The following PIAS4 variants were observed in gnomAD, a reference collection of about 807,000 sequenced individuals.
PIAS4 encodes the protein protein inhibitor of activated STAT 4, also known as E3 SUMO-protein ligase PIAS4.
PIAS4 carries 7 observed loss-of-function variants against 58.0 expected under a neutral mutation model. The observed-to-expected ratio is 0.12, with a 90% CI of 0.07 to 0.23. The LOEUF is 0.23. PIAS4 is among the 10% of genes least tolerant of loss of function. PIAS4 has a pLI of 1.00. For missense variants in PIAS4, 550 were observed against 709.5 expected, an observed-to-expected ratio of 0.78 and a Z score of 2.55; for synonymous variants, 364 against 312.4, an observed-to-expected ratio of 1.17 and a Z score of -1.74.
rs2144949774 is a variant in PIAS4, at chr19:4,037,685, G to A, written c.1343G>A (p.Gly448Asp). 9 of 1,611,996 alleles carry A rather than the reference G, an allele frequency of 5.6e-6. No homozygotes were observed. Among genetic ancestry groups the A allele is most frequent in the Non-Finnish European group, 7.6e-6 (9 of 1,179,644 alleles). Residue 448 changes from glycine (G) to aspartate (D), a missense_variant, in exon 11 of 11, where the codon GGT becomes GAT. By Grantham distance (94) the Gly-to-Asp change is moderately conservative (BLOSUM62 -1). This residue lies in a region of PIAS4 where 188 missense variants were observed against 192.0 expected (regional missense o/e 0.98). Transcript: ENST00000262971. This position sits in a 1 kb window ranked among gnomAD's most constrained non-coding sequence, Gnocchi z 5.8. ...GGGAGCGGTGCCCTGGGCAGCACGG[G>A]TGGCGGCGGCCCGGTGGGCAGCATG... ...VNGSGALGST[G>D]GGGPVGSMEN...
In PIAS4 at chr19:4,037,695, C is replaced by T. The variant is rs1335293709; in HGVS notation, c.1353C>T (p.Gly451=). The change falls in exon 11 of 11, where the codon GGC becomes GGT. Residue 451 remains glycine (G), a synonymous_variant. Transcript: ENST00000262971. This position sits in a 1 kb window ranked among gnomAD's most constrained non-coding sequence, Gnocchi z 5.8. ...SGALGSTGGG[G]PVGSMENGKP... ...CCCTGGGCAGCACGGGTGGCGGCGG[C>T]CCGGTGGGCAGCATGGAGAATGGGA... The T allele has an allele frequency of 6.2e-7, 1 of 1,611,764 alleles. No homozygotes were observed. Among genetic ancestry groups the T allele is most frequent in the South Asian group, 1.1e-5 (1 of 91,008 alleles).
chr19:4,007,744 G>A lies in PIAS4; in HGVS notation c.-17G>A. 9 of 1,215,676 alleles carry A rather than the reference G, an allele frequency of 7.4e-6. No individual in the cohort carries two copies. Among genetic ancestry groups the A allele is most frequent in the Non-Finnish European group, 9.3e-6 (9 of 970,848 alleles). 75.3% of individuals were successfully genotyped at this position (1,215,676 alleles called of 1,614,324 possible). A position where few individuals can be genotyped will look rare whatever the true frequency, so the allele number is the denominator to read the frequency against. ...GACGGCTGGGGGCTCCCGGCGCGGG[G>A]GACGCTGGTGACCAAGATGGCGGCG... On this transcript the variant is annotated 5_prime_UTR_variant, in exon 1 of 11. Transcript: ENST00000262971.
At chr19:4,027,331 C>T (rs1422650110) in intron 3 of PIAS4, among the ~76,000 whole-genome samples, 3 of 152,148 alleles carry the variant, frequency 2.0e-5, no homozygotes, top group Non-Finnish European at 2.9e-5. Context: ...GACATCCTCA[C>T]GGTGCACCTG....
At chr19:4,036,105 C>G (rs2040279743) in intron 9 of PIAS4, among the ~76,000 whole-genome samples, 1 of 134,000 alleles carries the variant, frequency 7.5e-6, no homozygotes, top group African/African-American at 2.6e-5. Flanking sequence ...GTCATACAAA[C>G]ACACACACAT....
intron 2 of PIAS4, among the ~76,000 whole-genome samples, chr19:4,014,185 G>C (rs1410217205): frequency 6.6e-6 from 1 of 152,202 alleles, no homozygotes; most frequent in Non-Finnish European, 1.5e-5. Flanking sequence ...GCGGAGGAGA[G>C]GTGCTGGGCT....
rs1476361839 is a variant in PIAS4, at chr19:4,028,178, T to C, written c.572T>C (p.Val191Ala). ...ELQPGVKAVQ[V>A]VLRICYSDTS... Reference sequence around the variant, plus strand: ...CAGCCCGGAGTTAAAGCCGTGCAGGTCGTCCTGAGGTATGCCCAGGTGTGC... The same window carrying C: ...CAGCCCGGAGTTAAAGCCGTGCAGGCCGTCCTGAGGTATGCCCAGGTGTGC... Residue 191 changes from valine to alanine, a missense_variant, in exon 4 of 11, where the codon GTC (valine) becomes GCC (alanine). Transcript: ENST00000262971. 1 of 1,612,582 alleles carries C rather than the reference T, an allele frequency of 6.2e-7. No individual in the cohort carries two copies. Among genetic ancestry groups the C allele is most frequent in the Non-Finnish European group, 8.5e-7 (1 of 1,179,942 alleles).
Position 4,039,375 on chromosome 19 carries a change from G to C in PIAS4, c.*1500G>C, listed in dbSNP as rs902992372. 6.6e-6 allele frequency: 1 copy of C among 152,212 alleles called. No homozygotes were observed. The highest frequency in any genetic ancestry group is 2.4e-5 in the African/African-American group (1 of 41,426). 9.4% of individuals were successfully genotyped at this position (152,212 alleles called of 1,614,324 possible). On this transcript the variant is annotated 3_prime_UTR_variant, in exon 11 of 11. Transcript: ENST00000262971. ...TTAAAAAATGCAAATAAAAAAGGTC[G>C]AGGTGAAGCCATCCAGGCGTCCGCT...
intron 2 of PIAS4, among the ~76,000 whole-genome samples, chr19:4,016,055 G>A (rs990047791): frequency 1.3e-5 from 2 of 152,188 alleles, no homozygotes; most frequent in African/African-American, 2.4e-5. Flanking sequence ...CCCTCCTCCC[G>A]AGCCGACTGG....
At chr19:4,034,478 C>G (rs1258149341) in intron 9 of PIAS4, among the ~76,000 whole-genome samples, 3 of 152,246 alleles carry the variant, frequency 2.0e-5, no homozygotes, top group Non-Finnish European at 2.9e-5. Context: ...GCAGCTGGAG[C>G]TACCCCGGCT....
At chr19:4,022,491 C>T (rs1220511490) in intron 2 of PIAS4, among the ~76,000 whole-genome samples, 2 of 152,014 alleles carry the variant, frequency 1.3e-5, no homozygotes, top group Admixed American at 1.3e-4. Flanking sequence ...CTCAGCCTCC[C>T]TAGTAGCTGG....
chr19:4,028,458 A>T, intron 4 of PIAS4, 52 bp from the exon 5 acceptor site: 1 of 1,334,560 alleles, frequency 7.5e-7, no homozygotes. Flanking sequence ...GCAGCAGCCT[A>T]GTCCCTCCTG....
At chr19:4,028,465 C>G (rs1314379201) in intron 4 of PIAS4, 45 bp from the exon 5 acceptor site, 1 of 1,428,542 alleles carries the variant, frequency 7.0e-7, no homozygotes, top group Non-Finnish European at 9.8e-7. Context: ...CCTAGTCCCT[C>G]CTGTGCGCCC....
intron 2 of PIAS4, among the ~76,000 whole-genome samples, chr19:4,015,641 CATCTGTCCGCCCTGACCCTGG>C (rs2040045103): frequency 6.6e-6 from 1 of 152,174 alleles, no homozygotes; most frequent in Non-Finnish European, 1.5e-5. Flanking sequence ...CCTGAGATGC[CATCTGTCCGCCCTGACCCTGG>C]GCTGTGTCCC....
At chr19:4,020,024 C>G (rs927788744) in intron 2 of PIAS4, among the ~76,000 whole-genome samples, 1 of 151,972 alleles carries the variant, frequency 6.6e-6, no homozygotes, top group African/African-American at 2.4e-5. Flanking sequence ...TCACGCCATT[C>G]TCCTGCCTCA....
rs60537326 is a variant in PIAS4 at position 4,029,127 on chromosome 19, G to A, written c.907+91G>A. On this transcript the variant is annotated intron_variant, in intron 7 of 10. Coordinates refer to ENST00000262971, the MANE Select transcript of PIAS4 (RefSeq NM_015897.4). ...GGTGAAGCGGGGGGCCCTGCACCCG[G>A]AGGAGATCGATCAGGGGCCGCCTGT... is the stretch of plus-strand genomic sequence containing the variant. The A allele has an allele frequency of 0.017, 14,915 of 896,734 alleles. 1,430 individuals are homozygous for A. The African/African-American group carries it at 0.21, about 13-fold the overall frequency. 55.5% of individuals were successfully genotyped at this position (896,734 alleles called of 1,614,324 possible).
intron 3 of PIAS4, among the ~76,000 whole-genome samples, chr19:4,027,101 C>T (rs2040172881): frequency 6.6e-6 from 1 of 152,152 alleles, no homozygotes; most frequent in Non-Finnish European, 1.5e-5. Flanking sequence ...ATCCGCCCGC[C>T]TCGGCCTCCC....
At position 4,029,170 on chromosome 19, in the gene PIAS4, G is replaced by A. The variant is rs1299491572; in HGVS notation, c.907+134G>A. 2.4e-5 allele frequency: 16 copies of A among 656,444 alleles called. No individual in the cohort carries two copies. In the East Asian group the frequency reaches 4.1e-4, roughly 17 times the overall value. 40.7% of individuals were successfully genotyped at this position (656,444 alleles called of 1,614,324 possible). Reference sequence around the variant, plus strand: ...CCGCCTGTCACTCTGGGGGTCCATGGCCCCCCGGCTGTGGCTGGGGAGGTC... The same window carrying A: ...CCGCCTGTCACTCTGGGGGTCCATGACCCCCCGGCTGTGGCTGGGGAGGTC... On this transcript the variant is annotated intron_variant, in intron 7 of 10. Transcript: ENST00000262971.
Position 4,033,401 on chromosome 19 carries a change from C to T in PIAS4, c.982-19C>T, listed in dbSNP as rs200466947. 54 of 1,543,974 alleles carry T rather than the reference C, an allele frequency of 3.5e-5. 1 individual carries two copies. The highest frequency in any genetic ancestry group is 3.4e-4 in the African/African-American group (25 of 73,200). ...CACAACAGGAGGGGTGCCCTGCTCA[C>T]GCAGCCCCTCCCCCACAGCTGGTGA... On this transcript the variant is annotated intron_variant, in intron 8 of 10. Coordinates refer to ENST00000262971, the MANE Select transcript of PIAS4 (RefSeq NM_015897.4).
intron 1 of PIAS4, among the ~76,000 whole-genome samples, chr19:4,008,309 C>T (rs1160447307): frequency 1.3e-5 from 2 of 152,096 alleles, no homozygotes; most frequent in Non-Finnish European, 2.9e-5. Flanking sequence ...CGGAAGGGTC[C>T]CCCGAGTCCT....
Sources: allele counts gnomAD v4.1 joint callset (sites outside exome capture counted in the v4.1 genomes callset), GRCh38; gene constraint gnomAD v4.1.1; regional missense constraint gnomAD v4.1.1; non-coding constraint Gnocchi (gnomAD v3.1); transcripts MANE v1.5; gene names NCBI Gene and HGNC (gene_info 2026-07-23, HGNC 2026-07-21).